INVS: variants seen among roughly 807,000 people sequenced by gnomAD.
INVS encodes the protein inversin.
Under a neutral mutation model 108.8 loss-of-function variants are expected in INVS, and 86 were observed. The observed-to-expected ratio is 0.79, with a 90% CI of 0.66 to 0.95. The LOEUF (loss-of-function observed/expected upper bound fraction) is 0.95, where lower values mean the gene tolerates loss of function less well. INVS is among the 40% of genes least tolerant of loss of function. The probability of loss-of-function intolerance (pLI) is 0.00; values close to 1 mark genes in which losing one functional copy is unlikely to be tolerated. For synonymous variants in INVS, 455 were observed against 473.5 expected (o/e 0.96, Z 0.51); for missense variants, 1,169 against 1,297.4 (o/e 0.90, Z 1.52).
intron 2 of INVS, among the ~76,000 whole-genome samples, chr9:100,106,148 G>A (rs1827172916): frequency 2.0e-5 from 3 of 152,052 alleles, no homozygotes; most frequent in Admixed American, 6.6e-5. Context: ...AAGACATTAA[G>A]TAGGAACTCC....
At chr9:100,139,959 A>C (rs985306959) in intron 3 of INVS, among the ~76,000 whole-genome samples, 4 of 152,184 alleles carry the variant, frequency 2.6e-5, no homozygotes, top group African/African-American at 9.7e-5. Flanking sequence ...ACCACTTTAA[A>C]GTGAGCAATT....
chr9:100,248,931 G>T (rs1227448177), intron 8 of INVS, among the ~76,000 whole-genome samples: 2 of 152,002 alleles, frequency 1.3e-5, no homozygotes, highest in Non-Finnish European at 2.9e-5. Flanking sequence ...AATAAGATGG[G>T]ATCTCACTGT....
At chr9:100,138,737 C>T (rs1828320926) in intron 3 of INVS, among the ~76,000 whole-genome samples, 3 of 139,758 alleles carry the variant, frequency 2.1e-5, no homozygotes, top group Non-Finnish European at 3.0e-5. Flanking sequence ...GAGAGAGTCT[C>T]GCTCTGTCAC....
At chr9:100,116,094 C>T (rs560689378) in intron 2 of INVS, among the ~76,000 whole-genome samples, 1 of 138,474 alleles carries the variant, frequency 7.2e-6, no homozygotes, top group Non-Finnish European at 1.5e-5. Context: ...AATTTCTTTT[C>T]TTTCTTTTTT....
At chr9:100,278,136 T>G (rs1200929731) in intron 12 of INVS, among the ~76,000 whole-genome samples, 1 of 140,166 alleles carries the variant, frequency 7.1e-6, no homozygotes, top group Non-Finnish European at 1.5e-5. Flanking sequence ...ACTAGGGAGG[T>G]GGGAAGATCA....
intron 3 of INVS, among the ~76,000 whole-genome samples, chr9:100,197,761 G>A (rs928129403): frequency 1.3e-5 from 2 of 152,204 alleles, no homozygotes; most frequent in Admixed American, 6.5e-5. Context: ...CCTTCCTCCA[G>A]GGTATGGGGC....
At chr9:100,272,010 A>G (rs1832972407) in intron 11 of INVS, among the ~76,000 whole-genome samples, 1 of 152,052 alleles carries the variant, frequency 6.6e-6, no homozygotes, top group South Asian at 2.1e-4. Context: ...CTGGGACTAC[A>G]GGTATGTGCC....
intron 16 of INVS, 119 bp from the exon 17 acceptor site, chr9:100,300,449 T>G (rs1163455290): frequency 4.2e-6 from 3 of 718,840 alleles, no homozygotes; most frequent in Non-Finnish European, 7.6e-6. Flanking sequence ...TACAGTAAAC[T>G]GGCCCATCAT....
At chr9:100,148,729 A>G (rs1828709994) in intron 3 of INVS, among the ~76,000 whole-genome samples, 1 of 152,244 alleles carries the variant, frequency 6.6e-6, no homozygotes, top group South Asian at 2.1e-4. Flanking sequence ...TTTTAAATGA[A>G]GAATATATAT....
intron 3 of INVS, among the ~76,000 whole-genome samples, chr9:100,159,414 C>G (rs1329929734): frequency 6.6e-6 from 1 of 152,158 alleles, no homozygotes; most frequent in Admixed American, 6.5e-5. Context: ...CTAGCTACAT[C>G]TTTTTATGTT....
intron 3 of INVS, among the ~76,000 whole-genome samples, chr9:100,156,424 C>T (rs1357997611): frequency 6.6e-6 from 1 of 151,668 alleles, no homozygotes; most frequent in Non-Finnish European, 1.5e-5. Flanking sequence ...CTGCACCTGG[C>T]TATTTTTTTT....
chr9:100,113,745 A>G (rs1827420325), intron 2 of INVS, among the ~76,000 whole-genome samples: 1 of 152,192 alleles, frequency 6.6e-6, no homozygotes, highest in Non-Finnish European at 1.5e-5. Flanking sequence ...AGAGCATTCA[A>G]AATTCTAGCT....
chr9:100,296,418 A>C (rs1833793379), intron 14 of INVS, among the ~76,000 whole-genome samples: 1 of 152,156 alleles, frequency 6.6e-6, no homozygotes, highest in Non-Finnish European at 1.5e-5. Context: ...GTCACCAAAG[A>C]CACAGTGCTT....
intron 5 of INVS, among the ~76,000 whole-genome samples, chr9:100,237,050 C>G (rs1312198695): frequency 6.6e-6 from 1 of 152,178 alleles, no homozygotes; most frequent in Non-Finnish European, 1.5e-5. Flanking sequence ...TTCAGAGATG[C>G]CCTGCCCAGA....
At position 100,273,092 on chromosome 9, in the gene INVS, G is replaced by A. The variant is rs539986122; in HGVS notation, c.1784+16G>A. The stretch of plus-strand genomic sequence containing the variant: ...CTGCTGCCAAGTAAGTATGAGCTAC[G>A]CAGATTGCGTTTTCGCCACCCAGAA... On this transcript the variant is annotated intron_variant, in intron 12 of 16. Coordinates refer to ENST00000262457, the MANE Select transcript of INVS (RefSeq NM_014425.5). 11 of 1,609,912 alleles carry A rather than the reference G, an allele frequency of 6.8e-6. No individual in the cohort carries two copies. The African/African-American group carries it at 9.3e-5, about 14-fold the overall frequency.
chr9:100,176,696 T>C (rs1829722649), intron 3 of INVS, among the ~76,000 whole-genome samples: 1 of 152,042 alleles, frequency 6.6e-6, no homozygotes, highest in Non-Finnish European at 1.5e-5. Context: ...CAGACTGGTC[T>C]TGAACTCCTG....
intron 3 of INVS, among the ~76,000 whole-genome samples, chr9:100,221,793 A>AT (rs1378526945): frequency 1.3e-5 from 2 of 152,140 alleles, no homozygotes; most frequent in African/African-American, 4.8e-5. Flanking sequence ...ATACTAAGGT[A>AT]TTTTGAGAGA....
chr9:100,292,371 T>C lies in INVS; in HGVS notation c.2114T>C (p.Phe705Ser). Residue 705 changes from phenylalanine to serine, a missense_variant, in exon 14 of 17, where the codon TTC becomes TCC. Coordinates refer to ENST00000262457, the MANE Select transcript of INVS (RefSeq NM_014425.5). ...AAAGGCCAATCTGCTTGTGTCCACT[T>C]CAGACCCAATGAAGGCAGTGATGGA... Reference protein sequence around the residue: ...HSKGQSACVHFRPNEGSDGSR... With the variant: ...HSKGQSACVHSRPNEGSDGSR... The C allele has an allele frequency of 6.2e-7, 1 of 1,614,144 alleles. No individual in the cohort carries two copies. Among genetic ancestry groups the C allele is most frequent in the South Asian group, 1.1e-5 (1 of 91,080 alleles).
In INVS at chr9:100,252,379, C is replaced by T. The variant is rs747812451; in HGVS notation, c.1175C>T (p.Thr392Ile). Residue 392 changes from threonine (T) to isoleucine (I), a missense_variant, in exon 9 of 17, where the codon ACT (threonine) becomes ATT (isoleucine). This residue lies in a region of INVS where 271 missense variants were observed against 363.8 expected (regional missense o/e 0.74). Coordinates refer to ENST00000262457, the MANE Select transcript of INVS (RefSeq NM_014425.5). ...GATGCTACTGATGTTATGAAACATACTCCACTTTTCCGAGCCTGTGAGATG... is the reference window on the plus strand; with the variant it reads ...GATGCTACTGATGTTATGAAACATATTCCACTTTTCCGAGCCTGTGAGATG... ...QVDATDVMKH[T>I]PLFRACEMGH... The T allele has an allele frequency of 3.1e-6, 5 of 1,613,850 alleles. No individual in the cohort carries two copies. Among genetic ancestry groups the T allele is most frequent in the Admixed American group, 3.3e-5 (2 of 59,998 alleles).
Sources: gnomAD v4.1 joint callset for allele counts (sites outside exome capture counted in the v4.1 genomes callset) on GRCh38, gnomAD v4.1.1 for gene constraint, gnomAD v4.1.1 regional missense constraint, MANE v1.5 for transcripts, NCBI Gene and HGNC (gene_info 2026-07-23, HGNC 2026-07-21) for gene names.